INSL6: variants seen among roughly 807,000 people sequenced by gnomAD.
INSL6 encodes insulin like 6.
In INSL6, 16 loss-of-function variants were observed where a neutral mutation model predicts 9.4. The ratio of observed to expected loss-of-function variants is 1.70; its 90% CI spans 1.15 to 2.59. The LOEUF (loss-of-function observed/expected upper bound fraction) is 2.59. INSL6 is among the 30% of genes most tolerant of loss of function. The pLI is 0.00. For missense variants in INSL6, 391 were observed against 257.3 expected, an observed-to-expected ratio of 1.52 and a Z score of -3.56; for synonymous variants, 154 against 96.9, an observed-to-expected ratio of 1.59 and a Z score of -3.46.
chr9:5,080,753 AT>A, the INSL6 span: 3 of 1,197,452 alleles, frequency 2.5e-6, no homozygotes, highest in African/African-American at 4.8e-5. Flanking sequence ...ATCATTACTA[AT>A]TTTTAATTCC....
At chr9:5,023,426 T>C in the INSL6 span, among the ~76,000 whole-genome samples, 1 of 152,148 alleles carries the variant, frequency 6.6e-6, no homozygotes, top group Non-Finnish European at 1.5e-5. Flanking sequence ...TGTAGCTGCT[T>C]AGGACTCGGG....
chr9:5,078,810 G>A, the INSL6 span, among the ~76,000 whole-genome samples: 1 of 151,908 alleles, frequency 6.6e-6, no homozygotes, highest in African/African-American at 2.4e-5. Flanking sequence ...GAGATTTTAG[G>A]ATTTTTTTCT....
At chr9:5,018,456 C>A in the INSL6 span, among the ~76,000 whole-genome samples, 2 of 152,170 alleles carry the variant, frequency 1.3e-5, no homozygotes, top group African/African-American at 4.8e-5. Context: ...TCTGCCTCAG[C>A]CTCTCAGGTA....
the INSL6 span, chr9:5,050,534 G>A: frequency 1.4e-6 from 1 of 708,956 alleles, no homozygotes; most frequent in Non-Finnish European, 2.3e-6. Context: ...GCCTCCCAAA[G>A]TTCTGGGATT....
At chr9:5,140,779 G>T (rs1824481402) in intron 2 of INSL6, among the ~76,000 whole-genome samples, 2 of 151,874 alleles carry the variant, frequency 1.3e-5, no homozygotes, top group Non-Finnish European at 2.9e-5. Context: ...AGGTAAACTT[G>T]TGCCATGGGG....
At chr9:5,088,619 T>C in the INSL6 span, among the ~76,000 whole-genome samples, 1 of 152,282 alleles carries the variant, frequency 6.6e-6, no homozygotes, top group South Asian at 2.1e-4. Context: ...TATAACAAAA[T>C]ACCATAGACT....
chr9:5,146,744 A>C (rs1824607548), intron 2 of INSL6, among the ~76,000 whole-genome samples: 1 of 152,230 alleles, frequency 6.6e-6, no homozygotes, highest in African/African-American at 2.4e-5. Flanking sequence ...GACATGTGCC[A>C]GCAAAGCAAT....
chr9:5,115,901 C>T, the INSL6 span, among the ~76,000 whole-genome samples: 1 of 152,082 alleles, frequency 6.6e-6, no homozygotes, highest in South Asian at 2.1e-4. Context: ...ACACCAGGGC[C>T]TGTTGTTGGG....
chr9:5,105,517 C>A, the INSL6 span, among the ~76,000 whole-genome samples: 3 of 152,166 alleles, frequency 2.0e-5, no homozygotes, highest in African/African-American at 7.2e-5. Flanking sequence ...TCAATGCCAT[C>A]CCCATCAAGC....
At chr9:5,096,081 A>C in the INSL6 span, among the ~76,000 whole-genome samples, 1 of 152,180 alleles carries the variant, frequency 6.6e-6, no homozygotes, top group South Asian at 2.1e-4. Flanking sequence ...CTATCATAAC[A>C]CTACTCAACC....
chr9:5,037,300 G>A, the INSL6 span, among the ~76,000 whole-genome samples: 4 of 152,242 alleles, frequency 2.6e-5, no homozygotes, highest in South Asian at 2.1e-4. Context: ...TCAGTGTGGC[G>A]ATTCCTCAGG....
chr9:5,073,775 T>C, the INSL6 span: 2 of 1,604,714 alleles, frequency 1.2e-6, no homozygotes, highest in East Asian at 2.2e-5. Flanking sequence ...TATGTGTCTG[T>C]GGAGACGAGA....
At chr9:5,152,876 G>A (rs756097328) in intron 2 of INSL6, among the ~76,000 whole-genome samples, 1 of 152,180 alleles carries the variant, frequency 6.6e-6, no homozygotes, top group South Asian at 2.1e-4. Flanking sequence ...ACTGGTTAGA[G>A]AGTGGGTGCA....
At chr9:5,064,142 C>G in the INSL6 span, among the ~76,000 whole-genome samples, 5 of 151,992 alleles carry the variant, frequency 3.3e-5, no homozygotes, top group East Asian at 3.8e-4. Context: ...GGCGACAGAG[C>G]AAGACTCTGA....
chr9:5,028,878 G>A, the INSL6 span, among the ~76,000 whole-genome samples: 1 of 152,166 alleles, frequency 6.6e-6, no homozygotes, highest in African/African-American at 2.4e-5. Context: ...ATTGTGGCTG[G>A]TTTGATCTTC....
the INSL6 span, chr9:5,041,851 C>T: frequency 4.3e-6 from 2 of 468,366 alleles, no homozygotes; most frequent in Middle Eastern, 3.3e-4. Flanking sequence ...GAGCTGAACG[C>T]GGACGACCCC....
the INSL6 span, among the ~76,000 whole-genome samples, chr9:5,046,376 C>T: frequency 1.2e-3 from 177 of 152,172 alleles, 1 homozygote; most frequent in Admixed American, 2.5e-3. Flanking sequence ...CATTCTGTTG[C>T]TTGTCTTTTG....
chr9:5,006,070 T>G, the INSL6 span, among the ~76,000 whole-genome samples: 1,735 of 152,346 alleles, frequency 0.011, 30 homozygotes, highest in African/African-American at 0.037. Context: ...ATTGAATCTA[T>G]AAATGACCTT....
intron 1 of INSL6, among the ~76,000 whole-genome samples, chr9:5,173,328 T>C (rs1366672773): frequency 3.9e-5 from 6 of 152,210 alleles, no homozygotes; most frequent in African/African-American, 1.4e-4. Context: ...ATTGCAGCAC[T>C]ATTCACAATA....
Sources: gnomAD v4.1 joint callset for allele counts (sites outside exome capture counted in the v4.1 genomes callset) on GRCh38, gnomAD v4.1.1 for gene constraint, MANE v1.5 for transcripts, NCBI Gene and HGNC (gene_info 2026-07-23, HGNC 2026-07-21) for gene names.